RPUSD3: variants seen among roughly 807,000 people sequenced by gnomAD.
The protein encoded by RPUSD3 is mitochondrial mRNA pseudouridine synthase RPUSD3.
A neutral mutation model predicts 35.1 loss-of-function variants in RPUSD3; 36 were observed. The ratio of observed to expected loss-of-function variants is 1.02; its 90% confidence interval spans 0.79 to 1.35. RPUSD3 has a LOEUF of 1.35. RPUSD3 is among the 40% of genes most tolerant of loss of function. The pLI is 0.00. For synonymous variants in RPUSD3, 202 were observed against 187.8 expected, an observed-to-expected ratio of 1.08 and a Z score of -0.62; for missense variants, 486 against 441.9, an observed-to-expected ratio of 1.10 and a Z score of -0.89.
In RPUSD3 at chr3:9,839,013, G is replaced by GA; in HGVS notation, c.864+18_864+19insT. The GA allele has an allele frequency of 6.2e-7, 1 of 1,614,046 alleles. No individual in the cohort carries two copies. The highest frequency in any genetic ancestry group is 1.1e-5 in the South Asian group (1 of 91,074). ...TCCCTCCACCCCTCAGAAAGCAGCAGGCAGGTGGGCTGGAGTACCTGTCTT... is the reference window on the plus strand; with the variant it reads ...TCCCTCCACCCCTCAGAAAGCAGCAGAGCAGGTGGGCTGGAGTACCTGTCTT... On this transcript the variant is annotated intron_variant, in intron 8 of 8. Transcript: ENST00000383820.
chr3:9,840,618 T>C lies in RPUSD3; in HGVS notation c.516-2A>G, dbSNP rs752843277. On this transcript the variant is annotated splice_acceptor_variant, in intron 5 of 8. Transcript: ENST00000383820. LOFTEE classifies it high-confidence loss of function. ...GCTGGGATCCCATCAGTGACAGCAC[T>C]GAGAAAGGGGCAGGAGGAGGTCACA... 8 of 1,613,500 alleles carry C rather than the reference T, an allele frequency of 5.0e-6. No homozygotes were observed. Among genetic ancestry groups the C allele is most frequent in the African/African-American group, 1.3e-5 (1 of 74,894 alleles).
chr3:9,840,616 AC>A lies in RPUSD3; in HGVS notation c.516-1del, dbSNP rs758015868. The A allele has an allele frequency of 8.1e-6, 13 of 1,613,654 alleles. No individual in the cohort carries two copies. Among genetic ancestry groups the A allele is most frequent in the Non-Finnish European group, 8.5e-6 (10 of 1,179,872 alleles). On this transcript the variant is annotated splice_acceptor_variant, in intron 5 of 8. Transcript: ENST00000383820. LOFTEE classifies it high-confidence loss of function. Reference sequence around the variant, plus strand: ...CAGCTGGGATCCCATCAGTGACAGCACTGAGAAAGGGGCAGGAGGAGGTCAC... The same window carrying A: ...CAGCTGGGATCCCATCAGTGACAGCATGAGAAAGGGGCAGGAGGAGGTCAC...
At chr3:9,841,779 G>A in intron 4 of RPUSD3, 2 of 509,020 alleles carry the variant, frequency 3.9e-6, no homozygotes, top group South Asian at 5.5e-5. Context: ...TCAGGGAGGT[G>A]TCATGCTTTG....
intron 3 of RPUSD3, 42 bp downstream of exon 3, chr3:9,842,156 AC>A (rs2082113882): frequency 1.9e-6 from 3 of 1,612,510 alleles, no homozygotes; most frequent in Non-Finnish European, 2.5e-6. Flanking sequence ...CAGTCACGAA[AC>A]CCCCTTCCGC....
At chr3:9,843,371 G>A in intron 2 of RPUSD3, 94 bp downstream of exon 2, 1 of 1,554,338 alleles carries the variant, frequency 6.4e-7, no homozygotes, top group Non-Finnish European at 8.7e-7. Flanking sequence ...GGAGGCAGAA[G>A]CAGGGCTGAT....
In RPUSD3 at chr3:9,839,031, C is replaced by T. The variant is rs1413841631; in HGVS notation, c.864+1G>A. 1.9e-6 allele frequency: 3 copies of T among 1,614,156 alleles called. No individual in the cohort carries two copies. Among genetic ancestry groups the T allele is most frequent in the Non-Finnish European group, 2.5e-6 (3 of 1,180,004 alleles). ...AGCAGCAGGCAGGTGGGCTGGAGTA[C>T]CTGTCTTTGGGGCTTGTTGTTCTCA... On this transcript the variant is annotated splice_donor_variant, in intron 8 of 8. Transcript: ENST00000383820. LOFTEE classifies it high-confidence loss of function.
chr3:9,842,344 C>T, intron 2 of RPUSD3, 101 bp from the exon 3 acceptor site: 15 of 1,136,484 alleles, frequency 1.3e-5, no homozygotes, highest in Middle Eastern at 2.2e-4. Flanking sequence ...TAGCACATGT[C>T]CCCATCATGA....
At chr3:9,838,207 C>T (rs2125021582) in exon 9 of RPUSD3, 1 of 1,611,826 alleles carries the variant, frequency 6.2e-7, no homozygotes, top group South Asian at 1.1e-5. Flanking sequence ...TCATCCAGGA[C>T]CTGGAGCGGG....
exon 9 of RPUSD3, chr3:9,837,957 T>A: frequency 6.7e-7 from 1 of 1,484,484 alleles, no homozygotes; most frequent in East Asian, 2.5e-5. Context: ...TTTGTCTGAC[T>A]GCAGAGCCCC....
chr3:9,839,172 C>A lies in RPUSD3; in HGVS notation c.725-1G>T. ...TGCACCTGTAGTTGACTGGAGAACA[C>A]TGGGCAACAGGAAAGCCAGGAGAGA... On this transcript the variant is annotated splice_acceptor_variant, in intron 7 of 8. Transcript: ENST00000383820. LOFTEE classifies it high-confidence loss of function. 2 of 1,605,768 alleles carry A rather than the reference C, an allele frequency of 1.2e-6. No homozygotes were observed. The highest frequency in any genetic ancestry group is 1.7e-6 in the Non-Finnish European group (2 of 1,173,288).
chr3:9,842,388 T>G, intron 2 of RPUSD3, 145 bp from the exon 3 acceptor site: 2 of 773,338 alleles, frequency 2.6e-6, no homozygotes. Context: ...CCACACCAAA[T>G]TCAACTTCTT....
At chr3:9,843,808 A>G (rs2082139809) in intron 1 of RPUSD3, 82 bp downstream of exon 1, 1 of 1,552,054 alleles carries the variant, frequency 6.4e-7, no homozygotes, top group East Asian at 2.4e-5. Context: ...TTTTCGGGTA[A>G]CATCTACCTG....
At chr3:9,843,188 A>G in intron 2 of RPUSD3, 2 of 453,974 alleles carry the variant, frequency 4.4e-6, no homozygotes, top group Non-Finnish European at 7.9e-6. Context: ...CACCGCGGCC[A>G]ATAAACAATA....
intron 5 of RPUSD3, 33 bp from the exon 6 acceptor site, chr3:9,840,649 G>A: frequency 6.2e-7 from 1 of 1,610,824 alleles, no homozygotes; most frequent in Non-Finnish European, 8.5e-7. Context: ...TCACAGGGTG[G>A]CTTGCTGGGA....
intron 2 of RPUSD3, 102 bp downstream of exon 2, chr3:9,843,363 A>C: frequency 1.3e-6 from 2 of 1,518,346 alleles, no homozygotes; most frequent in Admixed American, 3.7e-5. Flanking sequence ...TGCTAGTGGG[A>C]GGCAGAAGCA....
chr3:9,840,342 C>A, intron 6 of RPUSD3, 35 bp from the exon 7 acceptor site: 6 of 1,614,142 alleles, frequency 3.7e-6, no homozygotes, highest in Non-Finnish European at 5.1e-6. Context: ...AAGCCTTACA[C>A]AGGTCTGGGA....
intron 2 of RPUSD3, chr3:9,842,720 G>A (rs561606909): frequency 5.9e-6 from 1 of 170,108 alleles, no homozygotes; most frequent in East Asian, 1.6e-4. Context: ...ACAGTGCCTG[G>A]AACATAGCAT....
chr3:9,839,056 A>G, exon 8 of RPUSD3: 1 of 1,614,194 alleles, frequency 6.2e-7, no homozygotes, highest in East Asian at 2.2e-5. Flanking sequence ...TGTTGTTCTC[A>G]GCTGGCAGCA....
Position 9,840,247 on chromosome 3 carries a change from TG to T in RPUSD3, c.660del (p.Ser221ValfsTer6). 6.2e-7 allele frequency: 1 copy of T among 1,614,162 alleles called. No individual in the cohort carries two copies. ...CCTGTGGCTACCACACGAAAGTGAC[TG>T]AGAGTCTTCTTGACACCTTCCAGGA... On this transcript the variant is annotated frameshift_variant, in exon 7 of 9. Transcript: ENST00000383820. LOFTEE classifies it high-confidence loss of function.
Sources: gnomAD v4.1 joint callset for allele counts on GRCh38, gnomAD v4.1.1 for gene constraint, MANE v1.5 for transcripts, NCBI Gene and HGNC (gene_info 2026-07-23, HGNC 2026-07-21) for gene names.